The following PABIR3 variants were observed in gnomAD, a reference collection of about 807,000 sequenced individuals.
PABIR3 encodes PABIR family member 3.
PABIR3 carries 20 observed loss-of-function variants against 23.1 expected under a neutral mutation model. The observed-to-expected ratio is 0.86, with a 90% CI of 0.61 to 1.26. The LOEUF (loss-of-function observed/expected upper bound fraction) is 1.26. Ranked by LOEUF, PABIR3 falls within the 50% of genes most tolerant of loss-of-function variation. The pLI, the probability that PABIR3 is intolerant of heterozygous loss-of-function variation, is 0.00. For synonymous variants in PABIR3, 69 were observed against 68.5 expected, an observed-to-expected ratio of 1.01 and a Z score of -0.04; for missense variants, 189 against 195.4, an observed-to-expected ratio of 0.97 and a Z score of 0.20.
intron 4 of PABIR3, among the ~76,000 whole-genome samples, chrX:134,837,881 C>CTA (rs1440221111): frequency 1.8e-5 from 2 of 112,151 alleles, no homozygotes; most frequent in African/African-American, 6.5e-5. Context: ...AGGAGACTAT[C>CTA]TATATAATAT....
the PABIR3 span, among the ~76,000 whole-genome samples, chrX:134,860,813 C>A: frequency 6.3e-5 from 7 of 111,956 alleles, no homozygotes; most frequent in Admixed American, 1.9e-4. Flanking sequence ...AAACATTATC[C>A]TAAGTGAAAT....
In PABIR3 at chrX:134,854,354, T is replaced by C. The variant is rs2082731402; in HGVS notation, c.*137T>C. The C allele has an allele frequency of 5.9e-6, 4 of 675,948 alleles. No homozygotes were observed. The highest frequency in any genetic ancestry group is 5.5e-5 in the South Asian group (1 of 18,116). 55.7% of individuals were successfully genotyped at this position (675,948 alleles called of 1,213,427 possible). A position where few individuals can be genotyped will look rare whatever the true frequency, so the allele number is the denominator to read the frequency against. ...TAAACTATCTCCTATTTATCTTTTTTCCTCAATTTCCTAAAATTCTATTTA... is the reference window on the plus strand; with the variant it reads ...TAAACTATCTCCTATTTATCTTTTTCCCTCAATTTCCTAAAATTCTATTTA... On this transcript the variant is annotated 3_prime_UTR_variant, in exon 11 of 11. Transcript: ENST00000645433.
intron 6 of PABIR3, 130 bp downstream of exon 6, chrX:134,845,531 C>T: frequency 1.8e-6 from 1 of 563,990 alleles, no homozygotes. Flanking sequence ...GTATCTGTTG[C>T]ATAAATAATT....
At chrX:134,804,762 C>G (rs761166006), upstream of PABIR3, among the ~76,000 whole-genome samples, 1 of 112,553 alleles carries the variant, frequency 8.9e-6, no homozygotes, top group South Asian at 3.6e-4. Context: ...TGGCCTGCTT[C>G]ATATTTTTCT....
At chrX:134,815,956 C>T (rs2080954650) in intron 3 of PABIR3, among the ~76,000 whole-genome samples, 1 of 112,051 alleles carries the variant, frequency 8.9e-6, no homozygotes, top group Non-Finnish European at 1.9e-5. Flanking sequence ...GCTGGGATTA[C>T]AGGTGTGAGC....
chrX:134,809,699 G>C, intron 2 of PABIR3: 2 of 696,066 alleles, frequency 2.9e-6, no homozygotes, highest in Non-Finnish European at 3.4e-6. Flanking sequence ...TTTAACATAT[G>C]AGGAAACTGA....
intron 4 of PABIR3, among the ~76,000 whole-genome samples, chrX:134,837,678 T>C (rs1363070843): frequency 8.9e-6 from 1 of 112,127 alleles, no homozygotes; most frequent in East Asian, 2.8e-4. Context: ...CAAATCCATT[T>C]TGGAAATAGG....
intron 3 of PABIR3, among the ~76,000 whole-genome samples, chrX:134,815,891 G>C (rs1016716420): frequency 1.1e-4 from 12 of 110,714 alleles, no homozygotes; most frequent in African/African-American, 3.9e-4. Flanking sequence ...ATGTTGGCCA[G>C]GCTGGTCTCG....
Position 134,812,946 on chromosome X carries a change from GT to G in PABIR3, c.111-1823del, listed in dbSNP as rs1454853160. Among the ~76,000 whole-genome samples the G allele has an allele frequency of 3.6e-4, 40 of 111,765 alleles. 1 individual carries two copies. In the Admixed American group the frequency reaches 3.8e-3, roughly 11 times the overall value. The stretch of plus-strand genomic sequence containing the variant: ...TTTACCAATCCGTGCTTTTAAAAGA[GT>G]TAAGTACAGCATAATTAAAGATGTC... On this transcript the variant is annotated intron_variant, in intron 2 of 10. Transcript: ENST00000645433.
rs2082680205 is a variant in PABIR3, at chrX:134,852,765, TA to T, written c.590-31del. 5.9e-6 allele frequency: 5 copies of T among 841,516 alleles called. No homozygotes were observed. The East Asian group carries it at 1.9e-4, about 33-fold the overall frequency. 69.4% of individuals were successfully genotyped at this position (841,516 alleles called of 1,213,427 possible). ...TTAAAATAATAATAAACATGTTAAA[TA>T]AAACATCTACCTTGATCTGCTGTAT... On this transcript the variant is annotated intron_variant, in intron 9 of 10. Coordinates refer to ENST00000645433, the MANE Select transcript of PABIR3 (RefSeq NM_001388447.1).
intron 4 of PABIR3, chrX:134,838,715 C>T (rs1226317171): frequency 1.4e-5 from 1 of 73,972 alleles, no homozygotes; most frequent in Non-Finnish European, 2.5e-5. Flanking sequence ...CCCTCTCCCT[C>T]TCTTTCCACA....
upstream of PABIR3, among the ~76,000 whole-genome samples, chrX:134,802,980 G>T: frequency 8.9e-6 from 1 of 112,570 alleles, no homozygotes; most frequent in Non-Finnish European, 1.9e-5. Flanking sequence ...TTTTGACACT[G>T]TCCAACGAGA....
At chrX:134,849,869 CTTT>C (rs374919785) in intron 9 of PABIR3, among the ~76,000 whole-genome samples, 1 of 58,854 alleles carries the variant, frequency 1.7e-5, no homozygotes, top group Non-Finnish European at 2.7e-5. Context: ...GCTCTTCTTC[CTTT>C]TTTTTTTTTT....
intron 1 of PABIR3, chrX:134,797,078 T>C (rs2079894430): frequency 8.8e-6 from 1 of 113,803 alleles, no homozygotes; most frequent in Non-Finnish European, 1.9e-5. Context: ...CGGGTTCTAA[T>C]GGTCTGGGGG....
intron 2 of PABIR3, among the ~76,000 whole-genome samples, chrX:134,813,516 T>C (rs1280773829): frequency 8.9e-6 from 1 of 112,390 alleles, no homozygotes; most frequent in African/African-American, 3.2e-5. Flanking sequence ...AAAACAAAAG[T>C]ATTACAGATG....
At chrX:134,851,267 G>A (rs1037140638) in intron 9 of PABIR3, among the ~76,000 whole-genome samples, 2 of 111,790 alleles carry the variant, frequency 1.8e-5, no homozygotes, top group African/African-American at 6.5e-5. Flanking sequence ...CGGGCACAGT[G>A]GCTCATGCCT....
downstream of PABIR3, among the ~76,000 whole-genome samples, chrX:134,857,706 T>A (rs979729385): frequency 9.0e-6 from 1 of 111,533 alleles, no homozygotes; most frequent in Admixed American, 9.6e-5. Flanking sequence ...ATTCCTATTT[T>A]ACTTATAATC....
chrX:134,854,394 G>T lies in PABIR3; in HGVS notation c.*177G>T. ...AATTCTATTTATCTACAGAACTTGC[G>T]TGTATAATTCTTGTGTACATCCTTA... On this transcript the variant is annotated 3_prime_UTR_variant, in exon 11 of 11. Coordinates refer to ENST00000645433, the MANE Select transcript of PABIR3 (RefSeq NM_001388447.1). The T allele has an allele frequency of 2.2e-6, 1 of 451,374 alleles. No individual in the cohort carries two copies. The highest frequency in any genetic ancestry group is 3.4e-6 in the Non-Finnish European group (1 of 298,502). The allele number at this position is 451,374 out of a possible 1,213,427, so 37.2% of individuals were successfully genotyped here. A position where few individuals can be genotyped will look rare whatever the true frequency, so the allele number is the denominator to read the frequency against.
intron 1 of PABIR3, among the ~76,000 whole-genome samples, chrX:134,798,055 A>G (rs777316595): frequency 3.6e-5 from 4 of 111,789 alleles, no homozygotes; most frequent in African/African-American, 1.3e-4. Context: ...TCCTGACCTC[A>G]GGTGATCCAC....
Sources: gnomAD v4.1 joint callset for allele counts (sites outside exome capture counted in the v4.1 genomes callset) on GRCh38, gnomAD v4.1.1 for gene constraint, MANE v1.5 for transcripts, NCBI Gene and HGNC (gene_info 2026-07-23, HGNC 2026-07-21) for gene names.